Variants in RBFOX1 observed in about 807,000 individuals in gnomAD.
The protein encoded by RBFOX1 is RNA binding fox-1 homolog 1.
RBFOX1 carries 8 observed loss-of-function variants against 57.7 expected under a neutral mutation model. The observed-to-expected ratio is 0.14, with a 90% CI of 0.08 to 0.25. The LOEUF (loss-of-function observed/expected upper bound fraction) is 0.25, where lower values mean the gene tolerates loss of function less well. Among genes scored for constraint, RBFOX1 ranks in the 10% least tolerant of loss-of-function variants. The pLI is 1.00. For synonymous variants in RBFOX1, 326 were observed against 222.4 expected (o/e 1.47, Z -4.15); for missense variants, 611 against 548.5 (o/e 1.11, Z -1.14).
At chr16:7,304,597 C>A (rs1188769941) in intron 4 of RBFOX1, 1 of 984,748 alleles carries the variant, frequency 1.0e-6, no homozygotes, top group Admixed American at 6.1e-5. Context: ...GGAGGGGGCT[C>A]CCGCGTTGCG....
intron 3 of RBFOX1, among the ~76,000 whole-genome samples, chr16:5,674,242 A>T (rs1474476201): frequency 6.6e-6 from 1 of 152,252 alleles, no homozygotes; most frequent in East Asian, 1.9e-4. Context: ...AAAATCTTTT[A>T]AAGCAATTGA....
In RBFOX1 at chr16:5,561,681, C is replaced by T. The variant is rs575597526; in HGVS notation, c.259-37221C>T. On this transcript the variant is annotated intron_variant, in intron 2 of 2. Coordinates refer to the RBFOX1 transcript ENST00000585867. ...ATAATATGACTTAATGCTCTTTACCCTAGGGATTCTTTTAATTATCTTATC... is the reference window on the plus strand; with the variant it reads ...ATAATATGACTTAATGCTCTTTACCTTAGGGATTCTTTTAATTATCTTATC... 3.0e-4 allele frequency among the ~76,000 whole-genome samples: 45 copies of T among 152,148 alleles called. 1 individual carries two copies. Among genetic ancestry groups the T allele is most frequent in the Non-Finnish European group, 5.6e-4 (38 of 67,988 alleles).
intron 4 of RBFOX1, among the ~76,000 whole-genome samples, chr16:7,355,753 C>A (rs183688014): frequency 6.6e-6 from 1 of 152,172 alleles, no homozygotes; most frequent in South Asian, 2.1e-4. Context: ...TATGATGGAC[C>A]AGTTTCTTGC....
intron 3 of RBFOX1, among the ~76,000 whole-genome samples, chr16:6,724,337 G>T (rs111316638): frequency 1.4e-3 from 209 of 151,514 alleles, no homozygotes; most frequent in African/African-American, 4.5e-3. Context: ...AGCCTCCCCA[G>T]TTGGTGGGAT....
intron 2 of RBFOX1, among the ~76,000 whole-genome samples, chr16:6,562,717 C>G (rs958817345): frequency 3.9e-5 from 6 of 152,096 alleles, no homozygotes; most frequent in Admixed American, 1.3e-4. Context: ...ATGAAATGCC[C>G]TTTAAAACTC....
intron 3 of RBFOX1, among the ~76,000 whole-genome samples, chr16:6,744,838 G>T (rs535936890): frequency 6.6e-6 from 1 of 152,146 alleles, no homozygotes; most frequent in African/African-American, 2.4e-5. Context: ...TAAAGATCAG[G>T]GTTGAAATCA....
At chr16:7,218,273 A>C (rs2092413792) in intron 4 of RBFOX1, among the ~76,000 whole-genome samples, 1 of 152,172 alleles carries the variant, frequency 6.6e-6, no homozygotes, top group Non-Finnish European at 1.5e-5. Context: ...TACCTCTCAA[A>C]GATGTAGATG....
rs2045310483 is a variant in RBFOX1 at position 5,548,175 on chromosome 16, A to ATATATATATATG, written c.259-50716_259-50715insGTATATATATAT. ...GACTCTGTTAAAAAAAAAAAAAAAA[A>ATATATATATATG]TATATATATATATATATATATATAT... On this transcript the variant is annotated intron_variant, in intron 2 of 2. Transcript: ENST00000585867. 1.1e-4 allele frequency among the ~76,000 whole-genome samples: 3 copies of ATATATATATATG among 28,260 alleles called. No individual in the cohort carries two copies. The Admixed American group carries it at 1.6e-3, about 15-fold the overall frequency. The allele number at this position is 28,260 out of a possible 152,430, so 18.5% of individuals were successfully genotyped here. A position where few individuals can be genotyped will look rare whatever the true frequency, so the allele number is the denominator to read the frequency against.
chr16:7,220,780 C>A (rs958505188), intron 4 of RBFOX1, among the ~76,000 whole-genome samples: 8 of 152,070 alleles, frequency 5.3e-5, no homozygotes, highest in Admixed American at 6.5e-5. Flanking sequence ...CAGGGCTGGC[C>A]GTACAATCAG....
intron 3 of RBFOX1, among the ~76,000 whole-genome samples, chr16:6,742,078 A>G (rs1463355847): frequency 6.6e-6 from 1 of 152,176 alleles, no homozygotes; most frequent in East Asian, 1.9e-4. Context: ...CATTTTTCAA[A>G]ACATCATGTT....
chr16:7,281,831 C>G (rs1021738138), intron 4 of RBFOX1, among the ~76,000 whole-genome samples: 2 of 152,086 alleles, frequency 1.3e-5, no homozygotes, highest in African/African-American at 4.8e-5. Context: ...CTCTTTTCCT[C>G]CCTGCCTTCC....
At chr16:6,002,440 C>A (rs1292569872) in intron 4 of RBFOX1, among the ~76,000 whole-genome samples, 12 of 152,208 alleles carry the variant, frequency 7.9e-5, no homozygotes, top group African/African-American at 2.9e-4. Flanking sequence ...TCACTTTCCA[C>A]ATGGCATGCA....
chr16:5,505,980 T>A (rs1327219075), intron 2 of RBFOX1, among the ~76,000 whole-genome samples: 1 of 152,100 alleles, frequency 6.6e-6, no homozygotes, highest in Non-Finnish European at 1.5e-5. Flanking sequence ...TGACCCAGAT[T>A]GTGTGTATAT....
At chr16:7,145,639 C>T (rs149055999) in intron 4 of RBFOX1, among the ~76,000 whole-genome samples, 2 of 152,184 alleles carry the variant, frequency 1.3e-5, no homozygotes, top group African/African-American at 4.8e-5. Context: ...AGGAACCATG[C>T]TCATTTTCTG....
chr16:7,080,805 C>T (rs114151635), intron 4 of RBFOX1, among the ~76,000 whole-genome samples: 219 of 152,342 alleles, frequency 1.4e-3, no homozygotes, highest in African/African-American at 5.1e-3. Context: ...CCACAACAAA[C>T]TCTTGACTGG....
chr16:5,761,799 C>G (rs2053604176), intron 3 of RBFOX1, among the ~76,000 whole-genome samples: 1 of 152,186 alleles, frequency 6.6e-6, no homozygotes, highest in South Asian at 2.1e-4. Context: ...ATGGCACATT[C>G]TCTGGGAAGA....
intron 1 of RBFOX1, among the ~76,000 whole-genome samples, chr16:6,252,603 C>A (rs970013232): frequency 7.9e-6 from 1 of 126,794 alleles, no homozygotes; most frequent in Non-Finnish European, 1.8e-5. Flanking sequence ...CGTTTCCATG[C>A]CAAGGTGTTT....
At chr16:5,794,397 C>T (rs534547396) in intron 3 of RBFOX1, among the ~76,000 whole-genome samples, 2 of 152,016 alleles carry the variant, frequency 1.3e-5, no homozygotes, top group Admixed American at 6.6e-5. Flanking sequence ...CATTATGAGG[C>T]CAAATTCAAT....
rs199994318 is a variant in RBFOX1 at position 5,306,645 on chromosome 16, G to A, written c.219+66540G>A. ...ATTCTGATGATTAGAGCTTTATCAT[G>A]AAAGATCGAGTTAAATGCACAGCAA... On this transcript the variant is annotated intron_variant, in intron 1 of 2. Transcript: ENST00000585867. 2.6e-5 allele frequency among the ~76,000 whole-genome samples: 4 copies of A among 152,166 alleles called. No individual in the cohort carries two copies. The East Asian group carries it at 7.7e-4, about 29-fold the overall frequency.
Sources: gnomAD v4.1 joint callset for allele counts (sites outside exome capture counted in the v4.1 genomes callset) on GRCh38, gnomAD v4.1.1 for gene constraint, MANE v1.5 for transcripts, NCBI Gene and HGNC (gene_info 2026-07-23, HGNC 2026-07-21) for gene names.